SLC39A8: variants seen among roughly 807,000 people sequenced by gnomAD.
SLC39A8 encodes the protein metal cation symporter ZIP8.
SLC39A8 carries 15 observed loss-of-function variants against 40.4 expected under a neutral mutation model. The observed-to-expected ratio is 0.37, with a 90% CI of 0.25 to 0.57. The LOEUF (loss-of-function observed/expected upper bound fraction) is 0.57. Among genes scored for constraint, SLC39A8 ranks in the 20% least tolerant of loss-of-function variants. SLC39A8 has a pLI of 0.75. For missense variants in SLC39A8, 472 were observed against 558.8 expected, an observed-to-expected ratio of 0.84 and a Z score of 1.57; for synonymous variants, 223 against 221.6, an observed-to-expected ratio of 1.01 and a Z score of -0.06.
chr4:102,271,729 C>G (rs1355338590), intron 6 of SLC39A8, among the ~76,000 whole-genome samples: 1 of 152,198 alleles, frequency 6.6e-6, no homozygotes, highest in African/African-American at 2.4e-5. Context: ...TCTGCAAGCA[C>G]CATCATTCAT....
rs1020939031 is a variant in SLC39A8, at chr4:102,265,324, G to A, written c.1234-2131C>T. 4.1e-5 allele frequency among the ~76,000 whole-genome samples: 3 copies of A among 73,578 alleles called. No individual in the cohort carries two copies. In the East Asian group the frequency reaches 8.2e-4, roughly 20 times the overall value. 48.3% of individuals were successfully genotyped at this position (73,578 alleles called of 152,430 possible). A position where few individuals can be genotyped will look rare whatever the true frequency, so the allele number is the denominator to read the frequency against. ...GAGATGGAAGGATGGCTGATCAGGG[G>A]TGCAGGGAGAAAACACACACAACAT... On this transcript the variant is annotated intron_variant, in intron 8 of 8. Coordinates refer to ENST00000356736, the MANE Select transcript of SLC39A8 (RefSeq NM_001135146.2).
chr4:102,344,652 C>G lies in SLC39A8; in HGVS notation c.11G>C (p.Gly4Ala). 6.5e-7 allele frequency: 1 copy of G among 1,533,286 alleles called. No homozygotes were observed. Among genetic ancestry groups the G allele is most frequent in the South Asian group, 1.2e-5 (1 of 81,894 alleles). The allele number at this position is 1,533,286 out of a possible 1,614,324, so 95.0% of individuals were successfully genotyped here. A position where few individuals can be genotyped will look rare whatever the true frequency, so the allele number is the denominator to read the frequency against. ...CAACAGGAGCCCGGCCACCGCGCGA[C>G]CCGGGGCCATCCTGGCCTGGGCTTC... MAP[G>A]RAVAGLLLLA... Residue 4 changes from glycine (G) to alanine (A), a missense_variant, in exon 2 of 9, where the codon GGT becomes GCT. Physicochemically the swap from Gly to Ala is moderately conservative, Grantham distance 60. Coordinates refer to ENST00000356736, the MANE Select transcript of SLC39A8 (RefSeq NM_001135146.2).
At chr4:102,268,313 C>A (rs889218651) in intron 6 of SLC39A8, among the ~76,000 whole-genome samples, 39 of 152,224 alleles carry the variant, frequency 2.6e-4, no homozygotes, top group Non-Finnish European at 2.8e-4. Flanking sequence ...TTTTCCTTTA[C>A]TTTCCCTTTA....
rs1405390536 is a variant in SLC39A8 at position 102,339,194 on chromosome 4, T to TG, written c.219+5249dup. 1.1e-4 allele frequency among the ~76,000 whole-genome samples: 17 copies of TG among 152,148 alleles called. No individual in the cohort carries two copies. In the East Asian group the frequency reaches 3.1e-3, roughly 28 times the overall value. On this transcript the variant is annotated intron_variant, in intron 2 of 8. Transcript: ENST00000356736. Reference sequence around the variant, plus strand: ...ATAGATCAGAATGGGGCCATTGTCTTGGAGGATTCTTAACAAGAGACCTAG... The same window carrying TG: ...ATAGATCAGAATGGGGCCATTGTCTTGGGAGGATTCTTAACAAGAGACCTAG...
At chr4:102,258,370 C>T (rs932270841), downstream of SLC39A8, among the ~76,000 whole-genome samples, 1 of 152,128 alleles carries the variant, frequency 6.6e-6, no homozygotes, top group Non-Finnish European at 1.5e-5. Context: ...GAGTGAAGGA[C>T]TGGCTAGCCC....
Position 102,278,061 on chromosome 4 carries a change from AAGACAT to A in SLC39A8, c.841-9988_841-9983del, listed in dbSNP as rs1489181102. 2.0e-5 allele frequency among the ~76,000 whole-genome samples: 3 copies of A among 152,232 alleles called. No homozygotes were observed. The East Asian group carries it at 5.8e-4, about 29-fold the overall frequency. On this transcript the variant is annotated intron_variant, in intron 6 of 8. Coordinates refer to ENST00000356736, the MANE Select transcript of SLC39A8 (RefSeq NM_001135146.2). ...GAAGGAAACCTAGGCAATACCATTC[AAGACAT>A]AGGTATGGGCAAAGACTTCATGACT...
At chr4:102,321,631 C>T (rs1245356207) in intron 2 of SLC39A8, among the ~76,000 whole-genome samples, 2 of 152,172 alleles carry the variant, frequency 1.3e-5, no homozygotes, top group Non-Finnish European at 2.9e-5. Context: ...ATAAGCTGAA[C>T]TAAGGAACAA....
intron 2 of SLC39A8, among the ~76,000 whole-genome samples, chr4:102,319,611 T>C (rs1734816617): frequency 1.3e-5 from 2 of 152,034 alleles, no homozygotes; most frequent in Admixed American, 1.3e-4. Flanking sequence ...TAATTTTCCA[T>C]TCACTGACCC....
intron 2 of SLC39A8, among the ~76,000 whole-genome samples, chr4:102,318,765 T>G (rs1734769126): frequency 6.6e-6 from 1 of 152,172 alleles, no homozygotes; most frequent in Non-Finnish European, 1.5e-5. Context: ...CAGAAAACTA[T>G]TCAGGATGAT....
At chr4:102,334,073 G>A (rs1250510170) in intron 2 of SLC39A8, among the ~76,000 whole-genome samples, 1 of 152,168 alleles carries the variant, frequency 6.6e-6, no homozygotes, top group Admixed American at 6.5e-5. Context: ...TCAGGGAAGT[G>A]GTGGGGACAG....
intron 11 of SLC39A8, among the ~76,000 whole-genome samples, chr4:102,255,136 T>A (rs1415186166): frequency 6.6e-6 from 1 of 152,200 alleles, no homozygotes; most frequent in Non-Finnish European, 1.5e-5. Context: ...ACTCCTGACA[T>A]TGATAGTGAA....
chr4:102,279,011 G>A (rs1169766356), intron 6 of SLC39A8, among the ~76,000 whole-genome samples: 2 of 152,070 alleles, frequency 1.3e-5, no homozygotes, highest in Non-Finnish European at 2.9e-5. Context: ...TGGGGGGCAA[G>A]GGGAGGGATA....
At chr4:102,339,979 GC>G (rs1735835760) in intron 2 of SLC39A8, among the ~76,000 whole-genome samples, 1 of 152,142 alleles carries the variant, frequency 6.6e-6, no homozygotes, top group Admixed American at 6.5e-5. Flanking sequence ...AGGTCTGATT[GC>G]AAAAATTCAA....
chr4:102,335,718 A>G (rs1031739621), intron 2 of SLC39A8, among the ~76,000 whole-genome samples: 3 of 151,992 alleles, frequency 2.0e-5, no homozygotes, highest in South Asian at 2.1e-4. Flanking sequence ...ATTAGTCTCT[A>G]CTCCTAAGGT....
At chr4:102,261,472 TA>T (rs1275575247), downstream of SLC39A8, among the ~76,000 whole-genome samples, 1 of 152,204 alleles carries the variant, frequency 6.6e-6, no homozygotes, top group Non-Finnish European at 1.5e-5. Context: ...ATCATAATAC[TA>T]TTCAGAGACT....
chr4:102,309,499 A>G (rs1169022223), intron 3 of SLC39A8, among the ~76,000 whole-genome samples: 1 of 152,070 alleles, frequency 6.6e-6, no homozygotes. Context: ...CCACTTGGAG[A>G]GAGTTCTCAA....
chr4:102,305,187 A>C (rs2149033724), intron 4 of SLC39A8, 76 bp from the exon 5 acceptor site: 1 of 1,404,332 alleles, frequency 7.1e-7, no homozygotes, highest in East Asian at 2.4e-5. Context: ...ACCAGTATGC[A>C]ATTCTCACCA....
intron 2 of SLC39A8, among the ~76,000 whole-genome samples, chr4:102,339,229 C>T (rs1735807304): frequency 1.3e-5 from 2 of 152,064 alleles, no homozygotes; most frequent in Admixed American, 1.3e-4. Context: ...GGTAACCTCA[C>T]CCTCTGTCCT....
intron 8 of SLC39A8, among the ~76,000 whole-genome samples, chr4:102,266,820 A>G (rs1578556354): frequency 6.6e-6 from 1 of 152,070 alleles, no homozygotes; most frequent in South Asian, 2.1e-4. Context: ...GTTGGCCAGG[A>G]TGGTCTAGAT....
Sources: allele counts gnomAD v4.1 joint callset (sites outside exome capture counted in the v4.1 genomes callset), GRCh38; gene constraint gnomAD v4.1.1; transcripts MANE v1.5; gene names NCBI Gene and HGNC (gene_info 2026-07-23, HGNC 2026-07-21).